The following EGF variants were observed in gnomAD, a reference collection of about 807,000 sequenced individuals.
EGF encodes the protein epidermal growth factor, also known as pro-epidermal growth factor.
Under a neutral mutation model 143.8 loss-of-function variants are expected in EGF, and 95 were observed. The ratio of observed to expected loss-of-function variants is 0.66; its 90% CI spans 0.56 to 0.78. EGF has a LOEUF of 0.78. Among genes scored for constraint, EGF ranks in the 30% least tolerant of loss-of-function variants. The pLI, the probability that EGF is intolerant of heterozygous loss-of-function variation, is 0.00. For missense variants in EGF, 1,320 were observed against 1,470.9 expected (o/e 0.90, Z 1.68); for synonymous variants, 510 against 510.5 (o/e 1.00, Z 0.01).
Position 109,963,168 on chromosome 4 carries a change from T to C in EGF, c.1313-5T>C, listed in dbSNP as rs2126064043. 1.9e-6 allele frequency: 3 copies of C among 1,614,002 alleles called. No individual in the cohort carries two copies. The highest frequency in any genetic ancestry group is 1.1e-5 in the South Asian group (1 of 91,080). ...AGCATCATTACTAAGCAATTGTTTT[T>C]GTAGGTTGTTCCTCACCCGATAATG... On this transcript the variant is annotated splice_polypyrimidine_tract_variant and splice_region_variant and intron_variant, in intron 8 of 23. Transcript: ENST00000265171.
At chr4:109,985,740 T>C (rs553076541) in intron 16 of EGF, among the ~76,000 whole-genome samples, 3 of 152,320 alleles carry the variant, frequency 2.0e-5, no homozygotes, top group South Asian at 2.1e-4. Flanking sequence ...TAACTAATTA[T>C]GCAAAACAGC....
chr4:109,945,279 A>G lies in EGF; in HGVS notation c.940+4A>G. The G allele has an allele frequency of 1.2e-6, 2 of 1,613,120 alleles. No individual in the cohort carries two copies. Among genetic ancestry groups the G allele is most frequent in the Non-Finnish European group, 1.7e-6 (2 of 1,179,406 alleles). ...GAAGATGACACTTGGGAGCCTGGTG[A>G]GTCATCGTTGACCTTGCGCAGGGCC... is the stretch of plus-strand genomic sequence containing the variant. On this transcript the variant is annotated splice_donor_region_variant and intron_variant, in intron 5 of 23. Transcript: ENST00000265171.
intron 13 of EGF, 42 bp downstream of exon 13, chr4:109,976,277 G>A: frequency 1.3e-6 from 2 of 1,513,590 alleles, no homozygotes; most frequent in Admixed American, 1.8e-5. Flanking sequence ...TTGACTGAGT[G>A]TTTATGAGTG....
chr4:109,963,346 GA>G, intron 9 of EGF, 48 bp downstream of exon 9: 1 of 1,612,904 alleles, frequency 6.2e-7, no homozygotes, highest in South Asian at 1.1e-5. Context: ...AAAAATTCAT[GA>G]AAATCTTTTG....
intron 5 of EGF, among the ~76,000 whole-genome samples, chr4:109,953,993 C>T (rs2126037853): frequency 6.6e-6 from 1 of 152,196 alleles, no homozygotes; most frequent in East Asian, 1.9e-4. Context: ...AATGAGGATA[C>T]AATAAGAAAA....
At chr4:110,002,375 A>G (rs1752680872) in intron 21 of EGF, among the ~76,000 whole-genome samples, 1 of 152,040 alleles carries the variant, frequency 6.6e-6, no homozygotes, top group African/African-American at 2.4e-5. Flanking sequence ...CAGCTATAGT[A>G]CCACCTACTT....
At chr4:109,964,379 A>G (rs1341550241) in intron 9 of EGF, 22 bp from the exon 10 acceptor site, 4 of 1,613,756 alleles carry the variant, frequency 2.5e-6, no homozygotes, top group South Asian at 1.1e-5. Flanking sequence ...AAATTCAGCC[A>G]TATTTGAAAT....
chr4:110,009,663 C>A (rs574957071), intron 23 of EGF, among the ~76,000 whole-genome samples: 3 of 152,212 alleles, frequency 2.0e-5, no homozygotes, highest in African/African-American at 7.2e-5. Flanking sequence ...TGATCACATC[C>A]CCAATCATGT....
At chr4:109,967,965 C>A (rs1208861404) in intron 10 of EGF, among the ~76,000 whole-genome samples, 1 of 152,040 alleles carries the variant, frequency 6.6e-6, no homozygotes, top group African/African-American at 2.4e-5. Flanking sequence ...ACTTGCAGAA[C>A]TGGAAGTTGC....
chr4:109,953,990 A>C (rs1011213678), intron 5 of EGF, among the ~76,000 whole-genome samples: 4 of 152,252 alleles, frequency 2.6e-5, no homozygotes, highest in Non-Finnish European at 5.9e-5. Context: ...AGAAATGAGG[A>C]TACAATAAGA....
intron 1 of EGF, among the ~76,000 whole-genome samples, chr4:109,926,207 G>C (rs1287699292): frequency 6.6e-6 from 1 of 152,116 alleles, no homozygotes; most frequent in Non-Finnish European, 1.5e-5. Context: ...TAAAAACTTA[G>C]CTGGGCATGG....
intron 13 of EGF, among the ~76,000 whole-genome samples, chr4:109,978,120 C>G (rs1748790147): frequency 6.6e-6 from 1 of 152,058 alleles, no homozygotes; most frequent in Non-Finnish European, 1.5e-5. Context: ...TGGTGGCTTC[C>G]CAGCTGCCAG....
At chr4:109,963,152 A>G (rs1745985820) in intron 8 of EGF, 21 bp from the exon 9 acceptor site, 1 of 1,613,546 alleles carries the variant, frequency 6.2e-7, no homozygotes, top group Non-Finnish European at 8.5e-7. Flanking sequence ...TAGCATCATT[A>G]CTAAGCAATT....
intron 1 of EGF, among the ~76,000 whole-genome samples, chr4:109,940,228 C>A (rs1389904445): frequency 6.6e-6 from 1 of 152,128 alleles, no homozygotes; most frequent in Non-Finnish European, 1.5e-5. Flanking sequence ...ACCAAGAAAT[C>A]TAGTGAGGTT....
chr4:109,990,392 A>T (rs1000328296), intron 18 of EGF, among the ~76,000 whole-genome samples: 6 of 152,200 alleles, frequency 3.9e-5, no homozygotes, highest in Non-Finnish European at 8.8e-5. Flanking sequence ...ATTGGGAAAG[A>T]TTTCAGGGAG....
intron 5 of EGF, 88 bp downstream of exon 5, chr4:109,945,363 A>G (rs1394911304): frequency 3.0e-6 from 4 of 1,340,000 alleles, no homozygotes; most frequent in African/African-American, 1.5e-5. Flanking sequence ...GTTGTAGGGG[A>G]AAAAAAATTT....
intron 18 of EGF, among the ~76,000 whole-genome samples, chr4:109,989,302 G>A (rs569438593): frequency 2.2e-4 from 33 of 152,176 alleles, no homozygotes; most frequent in Non-Finnish European, 3.8e-4. Context: ...GGGAGTTCGC[G>A]TCGTGGATGT....
At chr4:109,999,584 T>A in intron 20 of EGF, 95 bp from the exon 21 acceptor site, 1 of 1,496,184 alleles carries the variant, frequency 6.7e-7, no homozygotes, top group East Asian at 2.3e-5. Context: ...AGTCTGGAAA[T>A]GCAGAGGTTG....
At chr4:109,969,592 TA>T (rs1301119067) in intron 11 of EGF, among the ~76,000 whole-genome samples, 3 of 151,814 alleles carry the variant, frequency 2.0e-5, no homozygotes, top group Non-Finnish European at 4.4e-5. Flanking sequence ...TCCCAGAACT[TA>T]AAATATAATA....
Sources: allele counts gnomAD v4.1 joint callset (sites outside exome capture counted in the v4.1 genomes callset), GRCh38; gene constraint gnomAD v4.1.1; transcripts MANE v1.5; gene names NCBI Gene and HGNC (gene_info 2026-07-23, HGNC 2026-07-21).